Variants in GRB14 observed in about 807,000 individuals in gnomAD.
GRB14 encodes the protein growth factor receptor bound protein 14, also known as growth factor receptor-bound protein 14.
In GRB14, 38 loss-of-function variants were observed where a neutral mutation model predicts 69.1. The ratio of observed to expected loss-of-function variants is 0.55; its 90% confidence interval spans 0.42 to 0.72. GRB14 has a LOEUF of 0.72. GRB14 is among the 30% of genes least tolerant of loss of function. The pLI is 0.00. For synonymous variants in GRB14, 247 were observed against 241.3 expected, an observed-to-expected ratio of 1.02 and a Z score of -0.22; for missense variants, 666 against 666.1, an observed-to-expected ratio of 1.00 and a Z score of 0.00.
In GRB14 at chr2:164,564,992, G is replaced by A. The variant is rs565928480; in HGVS notation, c.325-17176C>T. ...ATGGCGCCACTGCACTCCAGCCTGG[G>A]TGACAGAGCAAGACTCAATCTCAAA... On this transcript the variant is annotated intron_variant, in intron 2 of 13. Transcript: ENST00000263915. 4.6e-5 allele frequency among the ~76,000 whole-genome samples: 7 copies of A among 152,246 alleles called. No homozygotes were observed. In the South Asian group the frequency reaches 6.2e-4, roughly 14 times the overall value.
At chr2:164,584,863 G>GGATT (rs1486220488) in intron 2 of GRB14, among the ~76,000 whole-genome samples, 1 of 152,038 alleles carries the variant, frequency 6.6e-6, no homozygotes, top group East Asian at 1.9e-4. Flanking sequence ...TTTAAAGATT[G>GGATT]GATTGTTCAG....
At chr2:164,545,982 G>A (rs934107995) in intron 3 of GRB14, among the ~76,000 whole-genome samples, 1 of 152,112 alleles carries the variant, frequency 6.6e-6, no homozygotes, top group African/African-American at 2.4e-5. Flanking sequence ...ATTTCTTCAA[G>A]AAAAATTTAG....
At chr2:164,590,681 G>A (rs572907149) in intron 2 of GRB14, among the ~76,000 whole-genome samples, 30 of 152,200 alleles carry the variant, frequency 2.0e-4, no homozygotes, top group African/African-American at 5.1e-4. Flanking sequence ...TGTCTCTTCC[G>A]CACTATCATT....
At position 164,547,668 on chromosome 2, in the gene GRB14, A is replaced by G. The variant is rs140388187; in HGVS notation, c.473T>C (p.Ile158Thr). The G allele has an allele frequency of 5.2e-5, 84 of 1,613,166 alleles. No individual in the cohort carries two copies. The highest frequency in any genetic ancestry group is 2.6e-4 in the South Asian group (24 of 90,996). Reference sequence around the variant, plus strand: ...TAACTCCGTATCCTTACCTACACCTATGTGAGGCAGGTGCTCAAAAAGGGT... The same window carrying G: ...TAACTCCGTATCCTTACCTACACCTGTGTGAGGCAGGTGCTCAAAAAGGGT... ...SWTLFEHLPH[I>T]GVERTIEDHE... is the part of the protein sequence containing the mutation. Residue 158 changes from isoleucine (I) to threonine (T), a missense_variant, in exon 3 of 14, where the codon ATA becomes ACA. By Grantham distance (89) the Ile-to-Thr change is moderately conservative. Transcript: ENST00000263915.
At chr2:164,572,203 T>A (rs1327086941) in intron 2 of GRB14, among the ~76,000 whole-genome samples, 2 of 152,212 alleles carry the variant, frequency 1.3e-5, no homozygotes, top group Admixed American at 1.3e-4. Context: ...TTGAAAGTAA[T>A]GACAACAACC....
intron 2 of GRB14, among the ~76,000 whole-genome samples, chr2:164,591,989 G>T (rs1689675951): frequency 6.6e-6 from 1 of 152,050 alleles, no homozygotes; most frequent in Non-Finnish European, 1.5e-5. Context: ...CTTTTGCTTG[G>T]TTCTCACTTC....
chr2:164,519,761 G>T (rs533687103), intron 6 of GRB14, among the ~76,000 whole-genome samples: 11 of 151,872 alleles, frequency 7.2e-5, no homozygotes, highest in Non-Finnish European at 1.6e-4. Flanking sequence ...TTTTGCAAAA[G>T]CTGTAAAAAA....
intron 5 of GRB14, among the ~76,000 whole-genome samples, chr2:164,523,430 A>C (rs1050007266): frequency 6.6e-6 from 1 of 152,090 alleles, no homozygotes; most frequent in African/African-American, 2.4e-5. Flanking sequence ...AAAAAAAAGA[A>C]AATAGAAATC....
At chr2:164,554,360 A>T (rs973853939) in intron 2 of GRB14, among the ~76,000 whole-genome samples, 14 of 152,200 alleles carry the variant, frequency 9.2e-5, no homozygotes, top group African/African-American at 3.4e-4. Context: ...TATATTATTC[A>T]TATCAATTTA....
intron 9 of GRB14, among the ~76,000 whole-genome samples, chr2:164,501,681 C>T (rs1162357282): frequency 1.3e-5 from 2 of 152,060 alleles, no homozygotes; most frequent in East Asian, 3.8e-4. Context: ...TATATTTTGG[C>T]TTGCAGTTTT....
chr2:164,580,431 G>A (rs528279495), intron 2 of GRB14, among the ~76,000 whole-genome samples: 4 of 151,524 alleles, frequency 2.6e-5, no homozygotes, highest in East Asian at 4.0e-4. Context: ...TAGGCTGGGC[G>A]CGGTGGCTCA....
chr2:164,571,233 C>T (rs919254428), intron 2 of GRB14, among the ~76,000 whole-genome samples: 1 of 152,138 alleles, frequency 6.6e-6, no homozygotes, highest in Admixed American at 6.5e-5. Context: ...CACTCACTAA[C>T]CTTGTCACTT....
At chr2:164,565,506 C>T (rs1382850287) in intron 2 of GRB14, among the ~76,000 whole-genome samples, 2 of 152,132 alleles carry the variant, frequency 1.3e-5, no homozygotes, top group African/African-American at 4.8e-5. Flanking sequence ...CTGGAAGTCA[C>T]AAGATCTAGA....
chr2:164,515,803 G>GAAAAAAAAAAAAAAAAAAA (rs55851742), intron 6 of GRB14, among the ~76,000 whole-genome samples: 1 of 137,876 alleles, frequency 7.3e-6, no homozygotes, highest in Non-Finnish European at 1.5e-5. Context: ...AACTTAGTGA[G>GAAAAAAAAAAAAAAAAAAA]AAAAAAAAAA....
At chr2:164,613,955 G>C (rs186723032) in intron 2 of GRB14, among the ~76,000 whole-genome samples, 32 of 152,154 alleles carry the variant, frequency 2.1e-4, no homozygotes, top group African/African-American at 7.2e-4. Context: ...ATATCAAAGA[G>C]AAAAAAATAT....
At chr2:164,550,982 G>A (rs1688523113) in intron 2 of GRB14, among the ~76,000 whole-genome samples, 1 of 152,162 alleles carries the variant, frequency 6.6e-6, no homozygotes, top group East Asian at 1.9e-4. Context: ...CAGTTTGCTG[G>A]AGCTGCTGGA....
In GRB14 at chr2:164,492,498, T is replaced by C. The variant is rs1338462905; in HGVS notation, c.*538A>G. On this transcript the variant is annotated 3_prime_UTR_variant, in exon 14 of 14. Transcript: ENST00000263915. ...ATATTTCAAAATGGTTTAAAGCTAC[T>C]ATCTCAAAATATGATTTCATTTTAA... 6.6e-6 allele frequency among the ~76,000 whole-genome samples: 1 copy of C among 151,996 alleles called. No homozygotes were observed. The highest frequency in any genetic ancestry group is 2.4e-5 in the African/African-American group (1 of 41,438).
At chr2:164,571,479 C>T (rs1689120757) in intron 2 of GRB14, among the ~76,000 whole-genome samples, 1 of 152,144 alleles carries the variant, frequency 6.6e-6, no homozygotes, top group African/African-American at 2.4e-5. Context: ...TAAAATATTA[C>T]AGAATAGCAG....
intron 2 of GRB14, among the ~76,000 whole-genome samples, chr2:164,614,576 G>T (rs1044822731): frequency 6.6e-5 from 10 of 152,140 alleles, no homozygotes; most frequent in Non-Finnish European, 1.5e-4. Context: ...ACTACGTAGA[G>T]ATGCAATGAT....
Sources: allele counts gnomAD v4.1 joint callset (sites outside exome capture counted in the v4.1 genomes callset), GRCh38; gene constraint gnomAD v4.1.1; transcripts MANE v1.5; gene names NCBI Gene and HGNC (gene_info 2026-07-23, HGNC 2026-07-21).